The following TBC1D19 variants were observed in gnomAD, a reference collection of about 807,000 sequenced individuals.
TBC1D19 encodes the protein TBC1 domain family, member 19.
A neutral mutation model predicts 89.0 loss-of-function variants in TBC1D19; 60 were observed. That is an observed-to-expected ratio of 0.67 (90% CI 0.55 to 0.84). The LOEUF (loss-of-function observed/expected upper bound fraction) is 0.84, where lower values mean the gene tolerates loss of function less well. TBC1D19 is among the 40% of genes least tolerant of loss of function. The pLI, the probability that TBC1D19 is intolerant of heterozygous loss-of-function variation, is 0.00. For missense variants in TBC1D19, 500 were observed against 610.8 expected (o/e 0.82, Z 1.91); for synonymous variants, 189 against 199.7 (o/e 0.95, Z 0.45).
chr4:26,784,182 G>T, the TBC1D19 span, among the ~76,000 whole-genome samples: 1 of 152,254 alleles, frequency 6.6e-6, no homozygotes, highest in East Asian at 1.9e-4. Context: ...GAATGAACTT[G>T]TTCACACTAA....
chr4:26,794,565 AAATT>A, the TBC1D19 span, among the ~76,000 whole-genome samples: 16 of 152,222 alleles, frequency 1.1e-4, no homozygotes, highest in Non-Finnish European at 2.1e-4. Flanking sequence ...CAAAATATCA[AAATT>A]AATCAGAAAA....
At chr4:26,584,752 A>G (rs571337398) in intron 1 of TBC1D19, among the ~76,000 whole-genome samples, 1 of 152,256 alleles carries the variant, frequency 6.6e-6, no homozygotes, top group South Asian at 2.1e-4. Context: ...ACTTTCTTGC[A>G]GTTTACCCTC....
intron 4 of TBC1D19, among the ~76,000 whole-genome samples, chr4:26,631,428 T>C (rs1742802014): frequency 6.6e-6 from 1 of 152,116 alleles, no homozygotes; most frequent in African/African-American, 2.4e-5. Flanking sequence ...GTTTTATTCA[T>C]CTTTAGTGGC....
chr4:26,605,993 A>T (rs1431782103), intron 1 of TBC1D19, among the ~76,000 whole-genome samples: 1 of 152,146 alleles, frequency 6.6e-6, no homozygotes, highest in Non-Finnish European at 1.5e-5. Context: ...GATGTCATCC[A>T]CATAAACAAA....
rs1257806254 is a variant in TBC1D19, at chr4:26,617,818, A to T, written c.219-2795A>T. Among the ~76,000 whole-genome samples, 3 of 152,244 alleles carry T rather than the reference A, an allele frequency of 2.0e-5. No individual in the cohort carries two copies. The East Asian group carries it at 5.8e-4, about 29-fold the overall frequency. On this transcript the variant is annotated intron_variant, in intron 3 of 20. Transcript: ENST00000264866. ...AACATAAAGAAGTAAATAAACCTTA[A>T]CAATCTTATTCTATATGTGCATGTT...
At chr4:26,613,617 G>C (rs1741508062) in intron 2 of TBC1D19, among the ~76,000 whole-genome samples, 1 of 152,082 alleles carries the variant, frequency 6.6e-6, no homozygotes, top group African/African-American at 2.4e-5. Context: ...AGAACTATTA[G>C]ACATTTTAAC....
At chr4:26,672,000 A>G (rs1323475334) in intron 9 of TBC1D19, 149 bp from the exon 10 acceptor site, 2 of 297,296 alleles carry the variant, frequency 6.7e-6, no homozygotes, top group African/African-American at 4.5e-5. Flanking sequence ...AAACTTTTTT[A>G]CATATGAGAT....
chr4:26,672,180 GC>G lies in TBC1D19; in HGVS notation c.697del (p.Gln233LysfsTer4). The G allele has an allele frequency of 7.7e-7, 1 of 1,307,146 alleles. No individual in the cohort carries two copies. The highest frequency in any genetic ancestry group is 1.0e-6 in the Non-Finnish European group (1 of 990,282). 81.0% of individuals were successfully genotyped at this position (1,307,146 alleles called of 1,614,324 possible). On this transcript the variant is annotated frameshift_variant, in exon 10 of 21. Coordinates refer to ENST00000264866, the MANE Select transcript of TBC1D19 (RefSeq NM_018317.4). LOFTEE classifies it high-confidence loss of function. ...TTGAAAATGAACATGTACGTATTGG[GC>G]AAAAAGGTAAGCTTTTAATTATAAA... ...LFENEHVRIG[Q>X]KVLAEQDSAA...
the TBC1D19 span, among the ~76,000 whole-genome samples, chr4:26,842,348 T>TC: frequency 4.3e-5 from 6 of 138,352 alleles, no homozygotes; most frequent in East Asian, 1.2e-3. Context: ...TTCTTTTTTT[T>TC]TTTTTTTTTT....
intron 19 of TBC1D19, among the ~76,000 whole-genome samples, chr4:26,749,785 G>C (rs1378174669): frequency 6.6e-6 from 1 of 152,058 alleles, no homozygotes; most frequent in Non-Finnish European, 1.5e-5. Context: ...TATAGTTATA[G>C]TTACTGGGTA....
chr4:26,779,691 G>A, the TBC1D19 span, among the ~76,000 whole-genome samples: 1 of 152,192 alleles, frequency 6.6e-6, no homozygotes, highest in Admixed American at 6.5e-5. Flanking sequence ...GGGCCCTGGG[G>A]ATAAGTGCCT....
intron 19 of TBC1D19, among the ~76,000 whole-genome samples, chr4:26,748,809 A>T (rs1279214421): frequency 6.6e-6 from 1 of 151,936 alleles, no homozygotes; most frequent in African/African-American, 2.4e-5. Context: ...GCTAGGTCTC[A>T]CTATCTCCCA....
the TBC1D19 span, among the ~76,000 whole-genome samples, chr4:26,794,644 C>T: frequency 1.3e-4 from 20 of 152,114 alleles, no homozygotes; most frequent in East Asian, 3.5e-3. Context: ...GACTTTAAAA[C>T]TAACATTGAA....
At chr4:26,639,942 A>G (rs1229883010) in intron 6 of TBC1D19, among the ~76,000 whole-genome samples, 199 bp from the exon 7 acceptor site, 1 of 152,218 alleles carries the variant, frequency 6.6e-6, no homozygotes, top group Admixed American at 6.5e-5. Context: ...TTCTTCCAGA[A>G]TATGTCATCT....
rs570459202 is a variant in TBC1D19 at position 26,648,447 on chromosome 4, C to A, written c.480+8260C>A. On this transcript the variant is annotated intron_variant, in intron 7 of 20. Transcript: ENST00000264866. ...ACTGCATCTTGGCCAAGGGTCACTA[C>A]CAGACTTCCAGGTATTTCTGGAGAT... 1.2e-4 allele frequency among the ~76,000 whole-genome samples: 18 copies of A among 152,334 alleles called. No individual in the cohort carries two copies. In the South Asian group the frequency reaches 3.7e-3, roughly 32 times the overall value.
At chr4:26,639,347 A>C (rs1434669744) in intron 6 of TBC1D19, among the ~76,000 whole-genome samples, 1 of 152,182 alleles carries the variant, frequency 6.6e-6, no homozygotes, top group African/African-American at 2.4e-5. Context: ...GGTGTGAGCC[A>C]CTGCGCCTGG....
At chr4:26,654,581 A>T (rs1457925392) in intron 7 of TBC1D19, among the ~76,000 whole-genome samples, 1 of 151,978 alleles carries the variant, frequency 6.6e-6, no homozygotes, top group East Asian at 1.9e-4. Context: ...ATTTCTTTTC[A>T]TTCTTTTTTC....
intron 4 of TBC1D19, among the ~76,000 whole-genome samples, chr4:26,625,679 C>T (rs763547172): frequency 5.3e-5 from 8 of 152,038 alleles, no homozygotes; most frequent in South Asian, 2.1e-4. Flanking sequence ...TGATGACTTT[C>T]GCAGTTTTGA....
intron 4 of TBC1D19, among the ~76,000 whole-genome samples, chr4:26,621,973 C>T (rs986260427): frequency 3.3e-5 from 5 of 151,986 alleles, no homozygotes; most frequent in Non-Finnish European, 5.9e-5. Flanking sequence ...AACCATCATT[C>T]TCAGCAAACT....
Sources: allele counts gnomAD v4.1 joint callset (sites outside exome capture counted in the v4.1 genomes callset), GRCh38; gene constraint gnomAD v4.1.1; transcripts MANE v1.5; gene names NCBI Gene and HGNC (gene_info 2026-07-23, HGNC 2026-07-21).